Variants in APOB observed in about 807,000 individuals in gnomAD.
APOB encodes the protein apolipoprotein B.
A neutral mutation model predicts 314.1 loss-of-function variants in APOB; 153 were observed. The observed-to-expected ratio is 0.49, with a 90% CI of 0.43 to 0.56. The LOEUF (loss-of-function observed/expected upper bound fraction) is 0.56. Among genes scored for constraint, APOB ranks in the 20% least tolerant of loss-of-function variants. The pLI is 0.00. For missense variants in APOB, 5,430 were observed against 5,350.7 expected (o/e 1.01, Z -0.46); for synonymous variants, 2,087 against 2,036.4 (o/e 1.02, Z -0.67).
chr2:21,030,774 T>C (rs1663858185), intron 10 of APOB, among the ~76,000 whole-genome samples: 1 of 151,904 alleles, frequency 6.6e-6, no homozygotes, highest in Admixed American at 6.6e-5. Flanking sequence ...AATAATCCCA[T>C]TAAAAAGTAG....
rs142638069 is a variant in APOB, at chr2:21,011,758, C to T, written c.5110G>A (p.Ala1704Thr). 133 of 1,614,078 alleles carry T rather than the reference C, an allele frequency of 8.2e-5. No homozygotes were observed. The African/African-American group carries it at 1.3e-3, about 15-fold the overall frequency. The change falls in exon 26 of 29, where the codon GCC (alanine) becomes ACC (threonine). Residue 1704 changes from alanine to threonine, a missense_variant. Physicochemically the swap from Ala to Thr is moderately conservative, Grantham distance 58 (BLOSUM62 0). Around this residue, in one of 3 missense-constraint regions of APOB, gnomAD observed 2,085 missense variants for 2,079.7 expected, o/e 1.00. Coordinates refer to ENST00000233242, the MANE Select transcript of APOB (RefSeq NM_000384.3). ...CTTCCCAGTGATAGCTCTGTGAGGG[C>T]GGCTTTCCCATCCAGACTGAATTTT... is the stretch of plus-strand genomic sequence containing the variant. ...NAKFSLDGKA[A>T]LTELSLGSAY...
intron 7 of APOB, among the ~76,000 whole-genome samples, chr2:21,035,303 C>G (rs1663974314): frequency 6.6e-6 from 1 of 152,236 alleles, no homozygotes; most frequent in Admixed American, 6.5e-5. Flanking sequence ...GAAACCTTTT[C>G]TAACCAGGGT....
rs772493075 is a variant in APOB at position 21,008,336 on chromosome 2, C to T, written c.8532G>A (p.Leu2844=). 6 of 1,613,180 alleles carry T rather than the reference C, an allele frequency of 3.7e-6. No individual in the cohort carries two copies. Among genetic ancestry groups the T allele is most frequent in the Non-Finnish European group, 5.1e-6 (6 of 1,179,350 alleles). The part of the protein sequence containing the change: ...YLRTEHGSEM[L]FFGNAIEGKS... Reference sequence around the variant, plus strand: ...TTCCCTCAATAGCATTTCCAAAAAACAGCATTTCACTCCCATGCTCCGTTC... The same window carrying T: ...TTCCCTCAATAGCATTTCCAAAAAATAGCATTTCACTCCCATGCTCCGTTC... Residue 2844 remains leucine, a synonymous_variant, in exon 26 of 29, where the codon CTG becomes CTA. Transcript: ENST00000233242.
intron 1 of APOB, 152 bp from the exon 2 acceptor site, chr2:21,043,703 C>G: frequency 6.7e-7 from 1 of 1,503,068 alleles, no homozygotes; most frequent in Non-Finnish European, 9.0e-7. Flanking sequence ...CCGCGCCCCC[C>G]ATCCTGAGCC....
At position 21,005,596 on chromosome 2, in the gene APOB, C is replaced by A. The variant is rs781117588; in HGVS notation, c.11272G>T (p.Val3758Phe). 10 of 1,613,850 alleles carry A rather than the reference C, an allele frequency of 6.2e-6. No homozygotes were observed. In the East Asian group the frequency reaches 1.3e-4, roughly 22 times the overall value. Residue 3758 changes from valine (V) to phenylalanine (F), a missense_variant, in exon 26 of 29, where the codon GTT (valine) becomes TTT (phenylalanine). Around this residue, in one of 3 missense-constraint regions of APOB, gnomAD observed 3,281 missense variants for 3,171.0 expected, o/e 1.03. Transcript: ENST00000233242. ...TFHVPFTDLQ[V>F]PSCKLDFREI... ...CTGAAGTCAAGTTTGCACGATGGAA[C>A]CTGAAGATCTGTAAATGGGACATGG...
chr2:21,024,654 C>A, intron 16 of APOB: 1 of 548,898 alleles, frequency 1.8e-6, no homozygotes, highest in East Asian at 3.1e-5. Context: ...GGACCTTCAG[C>A]AAAGGTAGAG....
chr2:21,028,609 G>T, intron 12 of APOB, 71 bp from the exon 13 acceptor site: 2 of 1,023,118 alleles, frequency 2.0e-6, no homozygotes, highest in Non-Finnish European at 3.1e-6. Flanking sequence ...GCAAACACTG[G>T]CATTGTCTGC....
chr2:21,035,757 T>C, intron 6 of APOB, 49 bp from the exon 7 acceptor site: 1 of 1,604,090 alleles, frequency 6.2e-7, no homozygotes, highest in South Asian at 1.1e-5. Context: ...CTGTATCTTC[T>C]GTTAAAAGCA....
chr2:21,014,715 T>G (rs1668501205), intron 23 of APOB, 122 bp from the exon 24 acceptor site: 2 of 964,520 alleles, frequency 2.1e-6, no homozygotes, highest in Non-Finnish European at 3.2e-6. Context: ...CACTGAAAGT[T>G]AAAAATAAAT....
At position 21,005,302 on chromosome 2, in the gene APOB, T is replaced by C; in HGVS notation, c.11566A>G (p.Ile3856Val). The C allele has an allele frequency of 6.2e-7, 1 of 1,614,052 alleles. No homozygotes were observed. Among genetic ancestry groups the C allele is most frequent in the South Asian group, 1.1e-5 (1 of 91,084 alleles). Reference protein sequence around the residue: ...KIADFELPTIIVPEQTIEIPS... With the variant: ...KIADFELPTIVVPEQTIEIPS... ...ATCTCAATGGTCTGCTCAGGCACGA[T>C]GATGGTGGGCAACTCAAAGTCTGCG... The change falls in exon 26 of 29, where the codon ATC becomes GTC. Residue 3856 changes from isoleucine (I) to valine (V), a missense_variant. Transcript: ENST00000233242.
At position 21,026,810 on chromosome 2, in the gene APOB, G is replaced by T. The variant is rs12714192; in HGVS notation, c.2222C>A (p.Thr741Asn). The change falls in exon 15 of 29, where the codon ACC (threonine) becomes AAC (asparagine). Residue 741 changes from threonine (T) to asparagine (N), a missense_variant. Physicochemically the swap from Thr to Asn is moderately conservative, Grantham distance 65 (BLOSUM62 0). Transcript: ENST00000233242. ...SKVLVDHFGYTKDDKHEQDMV... is the reference protein window; with the variant it reads ...SKVLVDHFGYNKDDKHEQDMV... ...CACCTGCTCATGTTTATCATCTTTG[G>T]TATAGCCAAAGTGGTCCACTAAGAC... The T allele has an allele frequency of 4.3e-3, 6,912 of 1,613,864 alleles. 218 individuals are homozygous for T. In the African/African-American group the frequency reaches 0.08, roughly 19 times the overall value.
rs1572778627 is a variant in APOB, at chr2:21,006,479, A to G, written c.10389T>C (p.Asp3463=). 1 of 1,614,102 alleles carries G rather than the reference A, an allele frequency of 6.2e-7. No individual in the cohort carries two copies. Among genetic ancestry groups the G allele is most frequent in the East Asian group, 2.2e-5 (1 of 44,884 alleles). Residue 3463 remains aspartate (D), a synonymous_variant, in exon 26 of 29, where the codon GAT becomes GAC. Transcript: ENST00000233242. The part of the protein sequence containing the change: ...TVSSSMEFKY[D]FNSSMLYSTA... ...TAGAGTACAGCATTGAAGAATTGAA[A>G]TCATACTTAAATTCCATGGAGGAAG...
In APOB at chr2:21,010,457, ATG is replaced by A; in HGVS notation, c.6409_6410del (p.His2137CysfsTer13). On this transcript the variant is annotated frameshift_variant, in exon 26 of 29. Transcript: ENST00000233242. LOFTEE classifies it high-confidence loss of function. The part of the protein sequence containing the change: ...NSFNWERQVS[H>X]AKEKLTALTK... ...TGAGAGCAGTCAGTTTCTCCTTGGC[ATG>A]TGAAACTTGTCTCTCCCAATTGAAT... 1 of 1,609,594 alleles carries A rather than the reference ATG, an allele frequency of 6.2e-7. No individual in the cohort carries two copies. Among genetic ancestry groups the A allele is most frequent in the Non-Finnish European group, 8.5e-7 (1 of 1,176,612 alleles).
intron 10 of APOB, among the ~76,000 whole-genome samples, chr2:21,031,538 G>C (rs779628615): frequency 1.3e-5 from 2 of 152,150 alleles, no homozygotes; most frequent in Non-Finnish European, 2.9e-5. Context: ...TGAAAGCCCT[G>C]ACTTAACTAC....
intron 19 of APOB, among the ~76,000 whole-genome samples, chr2:21,019,456 G>T (rs971532286): frequency 2.6e-5 from 4 of 152,156 alleles, no homozygotes; most frequent in African/African-American, 9.7e-5. Flanking sequence ...GAAGCTCATA[G>T]CGATGGGTCT....
chr2:21,039,440 C>A (rs1216554384), intron 4 of APOB, among the ~76,000 whole-genome samples: 1 of 152,214 alleles, frequency 6.6e-6, no homozygotes, highest in Admixed American at 6.5e-5. Flanking sequence ...GGATTTCCCA[C>A]TGGGTACTCT....
chr2:21,016,900 C>T (rs12720817), intron 20 of APOB, among the ~76,000 whole-genome samples: 1,982 of 151,936 alleles, frequency 0.013, 28 homozygotes, highest in Non-Finnish European at 0.018. Flanking sequence ...AGGAGAATGG[C>T]ATGAACCCGG....
In APOB at chr2:21,019,047, G is replaced by T. The variant is rs754692404; in HGVS notation, c.3066C>A (p.Leu1022=). Residue 1022 remains leucine (L), a synonymous_variant, in exon 20 of 29, where the codon CTC becomes CTA. Transcript: ENST00000233242. ...CCACCAAGGCTCTGTCCTCTCTCTG[G>T]AGCTCATAGGTTGCGCTGACAGAAT... ...EQYSVSATYE[L]QREDRALVDT... 3.7e-6 allele frequency: 6 copies of T among 1,613,942 alleles called. No homozygotes were observed. The highest frequency in any genetic ancestry group is 4.2e-6 in the Non-Finnish European group (5 of 1,179,992).
rs1205059697 is a variant in APOB, at chr2:21,002,388, A to G, written c.13034T>C (p.Phe4345Ser). The change falls in exon 29 of 29, where the codon TTT becomes TCT. Residue 4345 changes from phenylalanine to serine, a missense_variant. This residue lies in a region of APOB where 3,281 missense variants were observed against 3,171.0 expected (regional missense o/e 1.03). Coordinates refer to ENST00000233242, the MANE Select transcript of APOB (RefSeq NM_000384.3). ...TIFSDYIPYV[F>S]KLLKENLCLN... The stretch of plus-strand genomic sequence containing the variant: ...GCATAGGTTTTCTTTCAACAATTTA[A>G]AAACATATGGGATATAATCACTGAA... 8 of 1,601,200 alleles carry G rather than the reference A, an allele frequency of 5.0e-6. No individual in the cohort carries two copies. The South Asian group carries it at 9.0e-5, about 18-fold the overall frequency.
Sources: gnomAD v4.1 joint callset for allele counts (sites outside exome capture counted in the v4.1 genomes callset) on GRCh38, gnomAD v4.1.1 for gene constraint, gnomAD v4.1.1 regional missense constraint, MANE v1.5 for transcripts, NCBI Gene and HGNC (gene_info 2026-07-23, HGNC 2026-07-21) for gene names.